The following GABBR2 variants were observed in gnomAD, a reference collection of about 807,000 sequenced individuals.
GABBR2 encodes gamma-aminobutyric acid type B receptor subunit 2.
Under a neutral mutation model 105.6 loss-of-function variants are expected in GABBR2, and 23 were observed. The ratio of observed to expected loss-of-function variants is 0.22; its 90% CI spans 0.16 to 0.31. The LOEUF (loss-of-function observed/expected upper bound fraction) is 0.31. Among genes scored for constraint, GABBR2 ranks in the 10% least tolerant of loss-of-function variants. The probability of loss-of-function intolerance (pLI) is 1.00; values close to 1 mark genes in which losing one functional copy is unlikely to be tolerated. For synonymous variants in GABBR2, 478 were observed against 499.7 expected (o/e 0.96, Z 0.58); for missense variants, 734 against 1,245.5 (o/e 0.59, Z 6.18).
chr9:98,479,820 C>T (rs774615959), intron 5 of GABBR2, among the ~76,000 whole-genome samples: 1 of 152,132 alleles, frequency 6.6e-6, no homozygotes, highest in Admixed American at 6.5e-5. Context: ...TTGCCAGACC[C>T]GGTAGTAAAC....
At chr9:98,577,453 G>A (rs2779525) in intron 2 of GABBR2, among the ~76,000 whole-genome samples, 2,493 of 152,270 alleles carry the variant, frequency 0.016, 83 homozygotes, top group African/African-American at 0.057. Flanking sequence ...AAAGGCAGTC[G>A]TAGATAACAA....
chr9:98,572,725 C>T (rs528020995), intron 2 of GABBR2, among the ~76,000 whole-genome samples: 1 of 152,252 alleles, frequency 6.6e-6, no homozygotes, highest in African/African-American at 2.4e-5. Context: ...AGATCAAGAT[C>T]CTGATCTTTG....
intron 13 of GABBR2, among the ~76,000 whole-genome samples, chr9:98,334,144 G>A (rs975470707): frequency 9.2e-5 from 14 of 152,168 alleles, no homozygotes; most frequent in African/African-American, 3.4e-4. Flanking sequence ...GGGACTGGAA[G>A]GTGAAGCTCT....
At chr9:98,548,090 A>T (rs1367563632) in intron 2 of GABBR2, among the ~76,000 whole-genome samples, 1 of 120,430 alleles carries the variant, frequency 8.3e-6, no homozygotes, top group Non-Finnish European at 1.9e-5. Context: ...TCAGAGATGG[A>T]CTCTTCCTCC....
At chr9:98,347,019 T>G (rs1246316827) in intron 13 of GABBR2, among the ~76,000 whole-genome samples, 1 of 152,216 alleles carries the variant, frequency 6.6e-6, no homozygotes, top group Non-Finnish European at 1.5e-5. Context: ...TCTTAGGAAC[T>G]GTGAATAATG....
intron 2 of GABBR2, among the ~76,000 whole-genome samples, chr9:98,571,025 A>T (rs1828822300): frequency 6.6e-6 from 1 of 152,210 alleles, no homozygotes; most frequent in African/African-American, 2.4e-5. Context: ...GGGCAGGGTG[A>T]ATGAGACACA....
At chr9:98,367,539 G>A (rs2131454874) in intron 12 of GABBR2, among the ~76,000 whole-genome samples, 1 of 152,258 alleles carries the variant, frequency 6.6e-6, no homozygotes, top group South Asian at 2.1e-4. Flanking sequence ...AAAAGGTTTG[G>A]AGATGGATGG....
intron 8 of GABBR2, among the ~76,000 whole-genome samples, chr9:98,400,309 C>T (rs1384889025): frequency 2.0e-5 from 3 of 151,424 alleles, no homozygotes; most frequent in Admixed American, 6.6e-5. Flanking sequence ...ATCAGAGAAA[C>T]GATACGTAAA....
chr9:98,496,550 G>C (rs1827284441), intron 3 of GABBR2, 36 bp from the exon 4 acceptor site: 4 of 1,419,664 alleles, frequency 2.8e-6, no homozygotes, highest in Non-Finnish European at 4.0e-6. Flanking sequence ...TGGGTGTGCT[G>C]GGGACCACAG....
chr9:98,350,145 G>C (rs1306852725), intron 13 of GABBR2, among the ~76,000 whole-genome samples: 1 of 143,010 alleles, frequency 7.0e-6, no homozygotes, highest in Non-Finnish European at 1.5e-5. Flanking sequence ...TTCTTGTTTA[G>C]TCTAGCTAGT....
chr9:98,550,645 T>C (rs1021202053), intron 2 of GABBR2, among the ~76,000 whole-genome samples: 5 of 152,146 alleles, frequency 3.3e-5, no homozygotes, highest in African/African-American at 1.2e-4. Flanking sequence ...GACCTTGGAT[T>C]TGGACCTCAA....
intron 3 of GABBR2, among the ~76,000 whole-genome samples, chr9:98,508,463 G>A (rs1827560257): frequency 6.6e-6 from 1 of 152,256 alleles, no homozygotes. Context: ...AGCAGGGCAA[G>A]GCATCGCCTC....
intron 13 of GABBR2, among the ~76,000 whole-genome samples, chr9:98,317,161 G>A (rs1659580082): frequency 6.6e-6 from 1 of 152,220 alleles, no homozygotes; most frequent in Non-Finnish European, 1.5e-5. Context: ...AACTCAGGCT[G>A]ATAAAATGCT....
At chr9:98,574,299 G>A (rs753532566) in intron 2 of GABBR2, among the ~76,000 whole-genome samples, 3 of 152,250 alleles carry the variant, frequency 2.0e-5, no homozygotes, top group Non-Finnish European at 4.4e-5. Flanking sequence ...AGAACTTATA[G>A]TATGCAATTT....
Position 98,299,354 on chromosome 9 carries a change from C to T in GABBR2, c.2413-1G>A. The T allele has an allele frequency of 6.2e-7, 1 of 1,613,988 alleles. No homozygotes were observed. The highest frequency in any genetic ancestry group is 2.2e-5 in the East Asian group (1 of 44,880). ...TGACCTCTTCCAAGTCTTTATCCAG[C>T]TACAAGACAAAGGTTCCAGTTGAGT... On this transcript the variant is annotated splice_acceptor_variant, in intron 16 of 18. Transcript: ENST00000259455. LOFTEE classifies it high-confidence loss of function.
At chr9:98,470,712 G>A (rs1416511854) in intron 6 of GABBR2, among the ~76,000 whole-genome samples, 2 of 152,074 alleles carry the variant, frequency 1.3e-5, no homozygotes, top group Non-Finnish European at 2.9e-5. Context: ...GCACTGGCAT[G>A]ACTCACCTCA....
intron 2 of GABBR2, chr9:98,555,611 C>G (rs1019068653): frequency 1.3e-5 from 2 of 152,146 alleles, no homozygotes; most frequent in Non-Finnish European, 2.9e-5. Context: ...AAGAAGTGTT[C>G]TCGTGTGATC....
intron 17 of GABBR2, 107 bp downstream of exon 17, chr9:98,299,117 C>A: frequency 1.1e-6 from 1 of 932,016 alleles, no homozygotes; most frequent in Non-Finnish European, 1.7e-6. Flanking sequence ...TCATACCAGT[C>A]CTGTGCCCTG....
chr9:98,582,377 T>A (rs1279994547), intron 1 of GABBR2, among the ~76,000 whole-genome samples: 1 of 152,158 alleles, frequency 6.6e-6, no homozygotes, highest in Non-Finnish European at 1.5e-5. Context: ...ACTCTGCCAA[T>A]AACCAGAATG....
Sources: gnomAD v4.1 joint callset for allele counts (sites outside exome capture counted in the v4.1 genomes callset) on GRCh38, gnomAD v4.1.1 for gene constraint, MANE v1.5 for transcripts, NCBI Gene and HGNC (gene_info 2026-07-23, HGNC 2026-07-21) for gene names.